Variants in CDK11A observed in about 807,000 individuals in gnomAD.
CDK11A encodes cyclin-dependent kinase 11A.
In CDK11A, 55 loss-of-function variants were observed where a neutral mutation model predicts 83.6. The ratio of observed to expected loss-of-function variants is 0.66; its 90% CI spans 0.53 to 0.82. The LOEUF is 0.82. CDK11A is among the 40% of genes least tolerant of loss of function. The pLI is 0.00. For synonymous variants in CDK11A, 247 were observed against 302.7 expected (o/e 0.82, Z 1.91); for missense variants, 564 against 810.1 (o/e 0.70, Z 3.69).
At chr1:1,706,817 G>A (rs1387163209) in intron 11 of CDK11A, among the ~76,000 whole-genome samples, 2 of 150,406 alleles carry the variant, frequency 1.3e-5, no homozygotes, top group Non-Finnish European at 1.5e-5. Context: ...TGCTGCATGC[G>A]CCAGAGAGAA....
chr1:1,719,555 G>A, intron 3 of CDK11A, 100 bp from the exon 4 acceptor site: 2 of 881,350 alleles, frequency 2.3e-6, no homozygotes, highest in Non-Finnish European at 1.6e-6. Context: ...GCATGATTCA[G>A]ATAGGAACGA....
intron 3 of CDK11A, among the ~76,000 whole-genome samples, chr1:1,719,741 G>A (rs111912700): frequency 2.7e-5 from 4 of 147,506 alleles, no homozygotes; most frequent in East Asian, 2.0e-4. Context: ...CTCAGCCTCC[G>A]GAGTAGCTGG....
chr1:1,704,409 C>T (rs533681191), intron 14 of CDK11A, 65 bp from the exon 15 acceptor site: 13 of 1,586,784 alleles, frequency 8.2e-6, no homozygotes, highest in South Asian at 1.1e-5. Context: ...CAGGGTGGCC[C>T]GCTCGCCTCG....
In CDK11A at chr1:1,702,574, G is replaced by C. The variant is rs1168523582; in HGVS notation, c.*333C>G. Reference sequence around the variant, plus strand: ...ACAGAAACAGGTCTCCAGCTCCGAAGATTAAACAATCCACCCGGCTCCCAC... The same window carrying C: ...ACAGAAACAGGTCTCCAGCTCCGAACATTAAACAATCCACCCGGCTCCCAC... On this transcript the variant is annotated 3_prime_UTR_variant, in exon 20 of 20. Transcript: ENST00000404249. Among the ~76,000 whole-genome samples, 2 of 124,130 alleles carry C rather than the reference G, an allele frequency of 1.6e-5. No individual in the cohort carries two copies. 81.4% of individuals were successfully genotyped at this position (124,130 alleles called of 152,430 possible).
intron 1 of CDK11A, among the ~76,000 whole-genome samples, chr1:1,723,488 C>CAAAAAAAAAAAA (rs768913380): frequency 1.5e-4 from 3 of 20,614 alleles, no homozygotes; most frequent in African/African-American, 2.9e-4. Flanking sequence ...GACCCCGTCT[C>CAAAAAAAAAAAA]AAAAAAAAAA....
intron 3 of CDK11A, 111 bp downstream of exon 3, chr1:1,721,485 A>G: frequency 1.6e-6 from 2 of 1,270,366 alleles, no homozygotes; most frequent in Non-Finnish European, 2.2e-6. Flanking sequence ...TCTAGGAAAG[A>G]GTAAACCTTA....
chr1:1,706,005 G>A (rs999229943), intron 11 of CDK11A, among the ~76,000 whole-genome samples: 1 of 150,696 alleles, frequency 6.6e-6, no homozygotes, highest in Non-Finnish European at 1.5e-5. Flanking sequence ...CACTTTGGGA[G>A]GGCAAGGCAG....
intron 5 of CDK11A, among the ~76,000 whole-genome samples, chr1:1,712,986 C>CTT (rs374746062): frequency 2.8e-5 from 1 of 35,254 alleles, no homozygotes; most frequent in African/African-American, 4.7e-5. Context: ...TTGTTTCTAG[C>CTT]TTTTTTTTTT....
At chr1:1,716,316 TAA>T (rs1183653247) in intron 5 of CDK11A, 28 bp downstream of exon 5, 1 of 1,602,816 alleles carries the variant, frequency 6.2e-7, no homozygotes, top group African/African-American at 1.3e-5. Context: ...GGCCCTTTCA[TAA>T]AGTCCTCAAC....
rs537844791 is a variant in CDK11A at position 1,703,756 on chromosome 1, C to T, written c.1911+68G>A. On this transcript the variant is annotated intron_variant, in intron 17 of 19. Coordinates refer to ENST00000404249, the MANE Select transcript of CDK11A (RefSeq NM_024011.4). Reference sequence around the variant, plus strand: ...TCCCCATCTCAACCCAGCACCTGTGCGCCCCGCAGCCCCATTCCTGCAACT... The same window carrying T: ...TCCCCATCTCAACCCAGCACCTGTGTGCCCCGCAGCCCCATTCCTGCAACT... 97 of 1,583,392 alleles carry T rather than the reference C, an allele frequency of 6.1e-5. 6 individuals carry two copies. In the African/African-American group the frequency reaches 8.3e-4, roughly 13 times the overall value.
At chr1:1,715,245 G>A (rs1013102788) in intron 5 of CDK11A, among the ~76,000 whole-genome samples, 4 of 123,378 alleles carry the variant, frequency 3.2e-5, no homozygotes, top group African/African-American at 8.2e-5. Flanking sequence ...GGCGTCATGC[G>A]GTCCTCTGGC....
chr1:1,708,051 G>C (rs533440831), intron 10 of CDK11A, 129 bp downstream of exon 10: 99,109 of 1,221,168 alleles, frequency 0.081, 5,989 homozygotes, highest in African/African-American at 0.31. Flanking sequence ...AGCCTGGAGC[G>C]GCCAACGAAT....
At chr1:1,715,988 A>T (rs544070042) in intron 5 of CDK11A, among the ~76,000 whole-genome samples, 17 of 150,878 alleles carry the variant, frequency 1.1e-4, no homozygotes, top group African/African-American at 3.9e-4. Context: ...GTGCAGTAGC[A>T]TGGTCATAGC....
Position 1,702,443 on chromosome 1 carries a change from G to A in CDK11A, c.*464C>T, listed in dbSNP as rs1373713037. 7.8e-5 allele frequency among the ~76,000 whole-genome samples: 9 copies of A among 115,826 alleles called. No individual in the cohort carries two copies. The highest frequency in any genetic ancestry group is 2.7e-4 in the African/African-American group (9 of 33,932). The allele number at this position is 115,826 out of a possible 152,430, so 76.0% of individuals were successfully genotyped here. A position where few individuals can be genotyped will look rare whatever the true frequency, so the allele number is the denominator to read the frequency against. ...CAACAACCTTGTATAAAAACCTGTC[G>A]AGTCTGCTGGCACAGCTGGGGCTGG... On this transcript the variant is annotated 3_prime_UTR_variant, in exon 20 of 20. Transcript: ENST00000404249.
rs142818595 is a variant in CDK11A at position 1,720,697 on chromosome 1, T to TTAC, written c.227+898_227+899insGTA. ...CAGGCATGAGCCATCGCACCCGGAC[T>TTAC]TATTATTTTTTTCAGACAGAATCTT... On this transcript the variant is annotated intron_variant, in intron 3 of 19. Coordinates refer to ENST00000404249, the MANE Select transcript of CDK11A (RefSeq NM_024011.4). Among the ~76,000 whole-genome samples, 5 of 10,918 alleles carry TTAC rather than the reference T, an allele frequency of 4.6e-4. 1 individual carries two copies. The Non-Finnish European group carries it at 7.9e-3, about 17-fold the overall frequency. The allele number at this position is 10,918 out of a possible 152,430, so 7.2% of individuals were successfully genotyped here. A position where few individuals can be genotyped will look rare whatever the true frequency, so the allele number is the denominator to read the frequency against.
intron 4 of CDK11A, among the ~76,000 whole-genome samples, chr1:1,718,029 A>G (rs1644743040): frequency 1.2e-5 from 1 of 84,974 alleles, no homozygotes. Context: ...TGACACACGC[A>G]TGCTTTTAGC....
rs374746062 is a variant in CDK11A at position 1,712,986 on chromosome 1, CT to C, written c.489-587del. On this transcript the variant is annotated intron_variant, in intron 5 of 19. Coordinates refer to ENST00000404249, the MANE Select transcript of CDK11A (RefSeq NM_024011.4). ...AGTCCTTGCTCCTTCTTGTTTCTAG[CT>C]TTTTTTTTTTTTTTGAGACAGGGTC... Among the ~76,000 whole-genome samples the C allele has an allele frequency of 1.7e-3, 60 of 35,238 alleles. 4 individuals carry two copies. The highest frequency in any genetic ancestry group is 3.2e-3 in the Admixed American group (7 of 2,184). 23.1% of individuals were successfully genotyped at this position (35,238 alleles called of 152,430 possible).
chr1:1,704,445 T>C (rs771579447), intron 14 of CDK11A, 101 bp from the exon 15 acceptor site: 1 of 1,546,804 alleles, frequency 6.5e-7, no homozygotes, highest in Non-Finnish European at 8.8e-7. Context: ...TCTCAGGGCT[T>C]TCCCTGTGGA....
At chr1:1,723,039 C>T (rs1276292796) in intron 1 of CDK11A, among the ~76,000 whole-genome samples, 1 of 44,636 alleles carries the variant, frequency 2.2e-5, no homozygotes, top group Non-Finnish European at 4.9e-5. Flanking sequence ...CAACACCAGC[C>T]CGGGCAACAT....
Sources: allele counts gnomAD v4.1 joint callset (sites outside exome capture counted in the v4.1 genomes callset), GRCh38; gene constraint gnomAD v4.1.1; transcripts MANE v1.5; gene names NCBI Gene and HGNC (gene_info 2026-07-23, HGNC 2026-07-21).